The following PLXNC1 variants were observed in gnomAD, a reference collection of about 807,000 sequenced individuals.
The protein encoded by PLXNC1 is plexin-C1.
A neutral mutation model predicts 178.2 loss-of-function variants in PLXNC1; 75 were observed. The ratio of observed to expected loss-of-function variants is 0.42; its 90% CI spans 0.35 to 0.51. The LOEUF (loss-of-function observed/expected upper bound fraction) is 0.51. Among genes scored for constraint, PLXNC1 ranks in the 20% least tolerant of loss-of-function variants. The probability of loss-of-function intolerance (pLI) is 0.02; values close to 1 mark genes in which losing one functional copy is unlikely to be tolerated. For missense variants in PLXNC1, 1,503 were observed against 1,984.4 expected, an observed-to-expected ratio of 0.76 and a Z score of 4.61; for synonymous variants, 790 against 779.9, an observed-to-expected ratio of 1.01 and a Z score of -0.22.
At position 94,186,466 on chromosome 12, in the gene PLXNC1, C is replaced by T. The variant is rs886769746; in HGVS notation, c.1432C>T (p.Leu478=). Residue 478 remains leucine (L), a synonymous_variant, in exon 4 of 31, where the codon CTA becomes TTA. Coordinates refer to ENST00000258526, the MANE Select transcript of PLXNC1 (RefSeq NM_005761.3). ...CCCTCACTGCGGTTGGTGCCATTCG[C>T]TACAAAGGTATCTCCTGAATTCTTT... is the stretch of plus-strand genomic sequence containing the variant. ...TDPHCGWCHS[L]QRCTFQGDCV... is the part of the protein sequence containing the mutation. The T allele has an allele frequency of 1.0e-5, 16 of 1,606,702 alleles. No individual in the cohort carries two copies. Among genetic ancestry groups the T allele is most frequent in the Non-Finnish European group, 1.3e-5 (15 of 1,173,244 alleles).
intron 2 of PLXNC1, among the ~76,000 whole-genome samples, chr12:94,180,360 C>A (rs1260341666): frequency 6.6e-6 from 1 of 152,188 alleles, no homozygotes; most frequent in Non-Finnish European, 1.5e-5. Flanking sequence ...TAAATATCAC[C>A]TTTTCAGTGA....
At chr12:94,219,467 A>G (rs1963730110) in intron 5 of PLXNC1, among the ~76,000 whole-genome samples, 1 of 152,244 alleles carries the variant, frequency 6.6e-6, no homozygotes, top group Non-Finnish European at 1.5e-5. Context: ...AAATAAAGCA[A>G]TAAAGATGTT....
In PLXNC1 at chr12:94,275,718, A is replaced by G. The variant is rs1026678374; in HGVS notation, c.3598-3754A>G. ...AAAATACAAAAAATTAGCCGGGCGT[A>G]GTGGCGGGCGCCTGTAGTCCCAGCT... On this transcript the variant is annotated intron_variant, in intron 21 of 30. Transcript: ENST00000258526. Among the ~76,000 whole-genome samples the G allele has an allele frequency of 6.2e-5, 8 of 129,310 alleles. 2 individuals are homozygous for G. In the East Asian group the frequency reaches 6.7e-4, roughly 11 times the overall value. 84.8% of individuals were successfully genotyped at this position (129,310 alleles called of 152,430 possible).
At chr12:94,186,257 G>A (rs561348588) in intron 3 of PLXNC1, 116 bp from the exon 4 acceptor site, 1 of 685,460 alleles carries the variant, frequency 1.5e-6, no homozygotes, top group Non-Finnish European at 2.7e-6. Context: ...CCAGTATGGA[G>A]GTGTTGAGTT....
At chr12:94,159,764 T>C (rs367917198) in intron 1 of PLXNC1, among the ~76,000 whole-genome samples, 22 of 152,054 alleles carry the variant, frequency 1.4e-4, no homozygotes, top group African/African-American at 5.1e-4. Context: ...GGATGAGAGA[T>C]TGGCCACAGC....
chr12:94,186,490 T>C lies in PLXNC1; in HGVS notation c.1439+17T>C. ...GCTACAAAGGTATCTCCTGAATTCTTTCTCACCAACTCGCATTTTTGAAAA... is the reference window on the plus strand; with the variant it reads ...GCTACAAAGGTATCTCCTGAATTCTCTCTCACCAACTCGCATTTTTGAAAA... On this transcript the variant is annotated intron_variant, in intron 4 of 30. Coordinates refer to ENST00000258526, the MANE Select transcript of PLXNC1 (RefSeq NM_005761.3). 1 of 1,563,226 alleles carries C rather than the reference T, an allele frequency of 6.4e-7. No homozygotes were observed. The highest frequency in any genetic ancestry group is 8.8e-7 in the Non-Finnish European group (1 of 1,133,678).
intron 2 of PLXNC1, among the ~76,000 whole-genome samples, chr12:94,177,247 ATATATG>A (rs1365977879): frequency 9.3e-5 from 12 of 129,260 alleles, no homozygotes; most frequent in African/African-American, 3.4e-4. Flanking sequence ...ATATATATAT[ATATATG>A]TATATATATA....
chr12:94,295,783 C>T (rs531499794), intron 24 of PLXNC1, among the ~76,000 whole-genome samples: 2 of 152,310 alleles, frequency 1.3e-5, no homozygotes, highest in East Asian at 1.9e-4. Context: ...CTCCACACAG[C>T]CTGCTCTCAT....
intron 23 of PLXNC1, among the ~76,000 whole-genome samples, chr12:94,289,850 T>TCA (rs79760307): frequency 3.9e-5 from 6 of 151,972 alleles, no homozygotes; most frequent in Admixed American, 1.3e-4. Flanking sequence ...ACATACGCGC[T>TCA]CACACACACA....
At position 94,225,437 on chromosome 12, in the gene PLXNC1, G is replaced by A. The variant is rs146700193; in HGVS notation, c.1790+1122G>A. Among the ~76,000 whole-genome samples, 184 of 152,192 alleles carry A rather than the reference G, an allele frequency of 1.2e-3. 2 individuals carry two copies. Among genetic ancestry groups the A allele is most frequent in the Admixed American group, 0.01 (155 of 15,294 alleles). ...TCCACTGAGGCACTTTGAAAAAGAT[G>A]ACACAAGGCCCAGTTCAATTATTGC... On this transcript the variant is annotated intron_variant, in intron 7 of 30. Coordinates refer to ENST00000258526, the MANE Select transcript of PLXNC1 (RefSeq NM_005761.3).
At chr12:94,257,103 G>A (rs1270839752) in intron 17 of PLXNC1, among the ~76,000 whole-genome samples, 7 of 152,174 alleles carry the variant, frequency 4.6e-5, no homozygotes, top group Non-Finnish European at 8.8e-5. Flanking sequence ...AGATAGAACA[G>A]GGAAACAGAT....
intron 10 of PLXNC1, among the ~76,000 whole-genome samples, chr12:94,238,962 C>A (rs1279020172): frequency 6.6e-6 from 1 of 152,176 alleles, no homozygotes; most frequent in African/African-American, 2.4e-5. Flanking sequence ...TTGCAAAAAT[C>A]TTTCATTTTA....
Position 94,240,543 on chromosome 12 carries a change from C to A in PLXNC1, c.2179C>A (p.Arg727=), listed in dbSNP as rs755779430. The stretch of plus-strand genomic sequence containing the variant: ...CATGAAATTCTCTCTTCCATCAAGC[C>A]GGAAAGAAATGAAGGATGTGTGTAT... ...THMKFSLPSS[R]KEMKDVCIQF... is the part of the protein sequence containing the mutation. The change falls in exon 11 of 31, where the codon CGG becomes AGG. Residue 727 remains arginine, a synonymous_variant. Coordinates refer to ENST00000258526, the MANE Select transcript of PLXNC1 (RefSeq NM_005761.3). 1.2e-6 allele frequency: 2 copies of A among 1,613,796 alleles called. No homozygotes were observed. The highest frequency in any genetic ancestry group is 1.1e-5 in the South Asian group (1 of 91,082).
intron 1 of PLXNC1, among the ~76,000 whole-genome samples, chr12:94,167,323 T>A (rs955666370): frequency 2.6e-5 from 4 of 152,186 alleles, no homozygotes; most frequent in Non-Finnish European, 5.9e-5. Context: ...TTGTGGATAA[T>A]CTACAGTCCA....
intron 4 of PLXNC1, among the ~76,000 whole-genome samples, chr12:94,197,906 G>A (rs562456782): frequency 1.3e-5 from 2 of 152,086 alleles, no homozygotes; most frequent in Admixed American, 6.6e-5. Context: ...AGAAAGACAC[G>A]GCACTCAGGG....
In PLXNC1 at chr12:94,260,618, T is replaced by C. The variant is rs777827917; in HGVS notation, c.3252-24T>C. 11 of 1,586,640 alleles carry C rather than the reference T, an allele frequency of 6.9e-6. No individual in the cohort carries two copies. The East Asian group carries it at 2.0e-4, about 29-fold the overall frequency. ...TCCAGCTAGGCCTGCAGCCAATGGT[T>C]CACCCAGCTCTCTTTTTCAACAGGT... On this transcript the variant is annotated intron_variant, in intron 19 of 30. Transcript: ENST00000258526. This position sits in a 1 kb window ranked among gnomAD's most constrained non-coding sequence, Gnocchi z 4.4.
intron 1 of PLXNC1, among the ~76,000 whole-genome samples, chr12:94,166,279 C>T (rs1961606136): frequency 6.7e-6 from 1 of 149,254 alleles, no homozygotes; most frequent in Non-Finnish European, 1.5e-5. Flanking sequence ...CAAACTCACC[C>T]AGTCCTCATA....
At chr12:94,253,777 G>A (rs1450479454) in intron 15 of PLXNC1, among the ~76,000 whole-genome samples, 1 of 151,890 alleles carries the variant, frequency 6.6e-6, no homozygotes, top group Non-Finnish European at 1.5e-5. Flanking sequence ...GGGCTCAAGT[G>A]GTCCTCCCAC....
At chr12:94,267,223 A>C (rs759779926) in intron 21 of PLXNC1, among the ~76,000 whole-genome samples, 4 of 152,226 alleles carry the variant, frequency 2.6e-5, no homozygotes, top group Admixed American at 6.5e-5. Context: ...CACCGGACCC[A>C]AACAGGAAAG....
Sources: gnomAD v4.1 joint callset for allele counts (sites outside exome capture counted in the v4.1 genomes callset) on GRCh38, gnomAD v4.1.1 for gene constraint, Gnocchi (gnomAD v3.1) non-coding constraint, MANE v1.5 for transcripts, NCBI Gene and HGNC (gene_info 2026-07-23, HGNC 2026-07-21) for gene names.